The following BARD1 variants were observed in gnomAD, a reference collection of about 807,000 sequenced individuals.
BARD1 encodes BRCA1-associated RING domain protein 1.
Under a neutral mutation model 77.0 loss-of-function variants are expected in BARD1, and 73 were observed. The observed-to-expected ratio is 0.95, with a 90% CI of 0.79 to 1.15. The LOEUF (loss-of-function observed/expected upper bound fraction) is 1.15. BARD1 is among the 50% of genes most tolerant of loss of function. BARD1 has a pLI of 0.00. For synonymous variants in BARD1, 384 were observed against 338.0 expected (o/e 1.14, Z -1.49); for missense variants, 993 against 938.8 (o/e 1.06, Z -0.75).
intron 10 of BARD1, 150 bp from the exon 11 acceptor site, chr2:214,729,158 G>C: frequency 1.0e-6 from 1 of 993,518 alleles, no homozygotes; most frequent in Middle Eastern, 3.2e-4. Context: ...AAATTTTTTG[G>C]GTTTTGGAAA....
At chr2:214,798,520 T>C (rs989697322) in intron 1 of BARD1, among the ~76,000 whole-genome samples, 8 of 152,108 alleles carry the variant, frequency 5.3e-5, no homozygotes, top group African/African-American at 1.7e-4. Context: ...TTACCTCTTT[T>C]ATTACATCGC....
At chr2:214,730,196 C>CA in intron 10 of BARD1, 1 of 566,756 alleles carries the variant, frequency 1.8e-6, no homozygotes, top group Non-Finnish European at 3.1e-6. Context: ...TGGCAATGTT[C>CA]AAGATGCCAA....
At chr2:214,751,101 GTGTGTGTGTGTGTGTGTATATATATA>G (rs369060401) in intron 7 of BARD1, among the ~76,000 whole-genome samples, 20,796 of 57,346 alleles carry the variant, frequency 0.36, 5,490 homozygotes, top group Admixed American at 0.45. Flanking sequence ...GTGTGTGTGT[GTGTGTGTGTGTGTGTGTATATATATA>G]TATATATATA....
At chr2:214,736,382 C>T (rs554262942) in intron 9 of BARD1, among the ~76,000 whole-genome samples, 95 of 152,104 alleles carry the variant, frequency 6.2e-4, no homozygotes, top group African/African-American at 2.1e-3. Flanking sequence ...TTCCTCATTA[C>T]GTAAGCAGGT....
chr2:214,791,990 TTTAA>T (rs1202464754), intron 3 of BARD1, among the ~76,000 whole-genome samples: 1 of 152,030 alleles, frequency 6.6e-6, no homozygotes, highest in African/African-American at 2.4e-5. Context: ...GGGGTTAGAC[TTTAA>T]TTATCTCTAT....
chr2:214,730,170 G>A, intron 10 of BARD1: 1 of 518,846 alleles, frequency 1.9e-6, no homozygotes, highest in Non-Finnish European at 3.5e-6. Flanking sequence ...ATTTACCTCA[G>A]ATTCTGAAAG....
In BARD1 at chr2:214,784,837, G is replaced by A. The variant is rs533530678; in HGVS notation, c.365-3328C>T. Among the ~76,000 whole-genome samples the A allele has an allele frequency of 2.2e-4, 34 of 152,202 alleles. No homozygotes were observed. The South Asian group carries it at 5.8e-3, about 26-fold the overall frequency. On this transcript the variant is annotated intron_variant, in intron 3 of 10. Coordinates refer to ENST00000260947, the MANE Select transcript of BARD1 (RefSeq NM_000465.4). ...TGGGAGGTGAACAATGAGAACACAT[G>A]GACAGAGGGAGGGGAACATCACACA...
chr2:214,769,172 A>G (rs548218997), intron 5 of BARD1, 60 bp downstream of exon 5: 18 of 1,418,106 alleles, frequency 1.3e-5, no homozygotes, highest in Non-Finnish European at 1.8e-5. Flanking sequence ...CAACTACATA[A>G]CTATAAACTA....
chr2:214,806,334 G>A (rs1165087182), intron 1 of BARD1, among the ~76,000 whole-genome samples: 1 of 152,178 alleles, frequency 6.6e-6, no homozygotes, highest in Non-Finnish European at 1.5e-5. Context: ...TCTGTAAAAG[G>A]ACATACTGAC....
chr2:214,739,872 G>A (rs1298460523), intron 9 of BARD1, among the ~76,000 whole-genome samples: 1 of 151,958 alleles, frequency 6.6e-6, no homozygotes, highest in East Asian at 1.9e-4. Context: ...ATTACAAGAT[G>A]TGTAATTTGC....
At chr2:214,751,151 ATTTTTTT>A (rs60746999) in intron 7 of BARD1, among the ~76,000 whole-genome samples, 19 of 37,174 alleles carry the variant, frequency 5.1e-4, no homozygotes, top group African/African-American at 2.1e-3. Context: ...ATATATATAT[ATTTTTTT>A]TTTTTTTTTT....
At chr2:214,788,302 C>T (rs1436531922) in intron 3 of BARD1, among the ~76,000 whole-genome samples, 3 of 151,588 alleles carry the variant, frequency 2.0e-5, no homozygotes, top group Non-Finnish European at 4.4e-5. Context: ...AATTTAACTC[C>T]ATTAGTAAAA....
Position 214,779,411 on chromosome 2 carries a change from G to C in BARD1, c.1314+1149C>G, listed in dbSNP as rs962293565. On this transcript the variant is annotated intron_variant, in intron 4 of 10. Transcript: ENST00000260947. ...TTTTTAATTTGCATTTTTTTATTGC[G>C]TATTGTTATTGGCTTTTCTCCCAAA... 1.3e-5 allele frequency among the ~76,000 whole-genome samples: 2 copies of C among 152,042 alleles called. 1 individual carries two copies. Among genetic ancestry groups the C allele is most frequent in the South Asian group, 4.2e-4 (2 of 4,816 alleles).
At chr2:214,746,743 T>A (rs1487730930) in intron 7 of BARD1, among the ~76,000 whole-genome samples, 1 of 151,870 alleles carries the variant, frequency 6.6e-6, no homozygotes, top group Non-Finnish European at 1.5e-5. Flanking sequence ...CCTAAAACCA[T>A]TAAAAACCCT....
intron 1 of BARD1, among the ~76,000 whole-genome samples, chr2:214,803,941 G>A (rs762824458): frequency 3.3e-5 from 5 of 151,546 alleles, no homozygotes; most frequent in South Asian, 2.1e-4. Context: ...AATTTTCTTC[G>A]AAAAGAAAAA....
At chr2:214,747,326 T>C (rs191366479) in intron 7 of BARD1, among the ~76,000 whole-genome samples, 63,137 of 136,892 alleles carry the variant, frequency 0.46, 14,968 homozygotes, top group Middle Eastern at 0.53. Context: ...GAACTGGAAA[T>C]ACCATTTGAC....
intron 1 of BARD1, among the ~76,000 whole-genome samples, chr2:214,797,635 T>C (rs1695819320): frequency 6.6e-6 from 1 of 152,172 alleles, no homozygotes; most frequent in Non-Finnish European, 1.5e-5. Flanking sequence ...CAAACCAGGA[T>C]ATCTAGTCAT....
At chr2:214,776,316 T>C (rs142796499) in intron 4 of BARD1, among the ~76,000 whole-genome samples, 3 of 152,324 alleles carry the variant, frequency 2.0e-5, no homozygotes, top group African/African-American at 7.2e-5. Flanking sequence ...ATTTTCTCTA[T>C]ATCCTTAGTA....
chr2:214,733,720 C>T lies in BARD1; in HGVS notation c.1904-3212G>A, dbSNP rs75448167. On this transcript the variant is annotated intron_variant, in intron 9 of 10. Coordinates refer to ENST00000260947, the MANE Select transcript of BARD1 (RefSeq NM_000465.4). Reference sequence around the variant, plus strand: ...TTATTGCTTTATTTTCCTCTGTCAACAAGCAATCCACTATCAAATTTAATT... The same window carrying T: ...TTATTGCTTTATTTTCCTCTGTCAATAAGCAATCCACTATCAAATTTAATT... Among the ~76,000 whole-genome samples the T allele has an allele frequency of 3.9e-3, 596 of 152,182 alleles. 5 individuals carry two copies. The highest frequency in any genetic ancestry group is 0.014 in the African/African-American group (562 of 41,538).
Sources: gnomAD v4.1 joint callset for allele counts (sites outside exome capture counted in the v4.1 genomes callset) on GRCh38, gnomAD v4.1.1 for gene constraint, MANE v1.5 for transcripts, NCBI Gene and HGNC (gene_info 2026-07-23, HGNC 2026-07-21) for gene names.